PRSS38: variants seen among roughly 807,000 people sequenced by gnomAD.
The protein encoded by PRSS38 is marapsin 2.
Under a neutral mutation model 26.8 loss-of-function variants are expected in PRSS38, and 22 were observed. That is an observed-to-expected ratio of 0.82 (90% CI 0.59 to 1.17). The LOEUF (loss-of-function observed/expected upper bound fraction) is 1.17, where lower values mean the gene tolerates loss of function less well. PRSS38 is among the 50% of genes most tolerant of loss of function. The probability of loss-of-function intolerance (pLI) is 0.00; values close to 1 mark genes in which losing one functional copy is unlikely to be tolerated. For missense variants in PRSS38, 427 were observed against 422.7 expected, an observed-to-expected ratio of 1.01 and a Z score of -0.09; for synonymous variants, 175 against 172.1, an observed-to-expected ratio of 1.02 and a Z score of -0.13.
At chr1:227,823,429 A>C (rs1404684179) in intron 3 of PRSS38, among the ~76,000 whole-genome samples, 2 of 151,546 alleles carry the variant, frequency 1.3e-5, no homozygotes, top group East Asian at 1.9e-4. Context: ...TTTTTTGTTC[A>C]TGCTGTCCCT....
intron 3 of PRSS38, among the ~76,000 whole-genome samples, chr1:227,839,253 A>T (rs941441712): frequency 6.6e-6 from 1 of 152,274 alleles, no homozygotes; most frequent in Middle Eastern, 3.4e-3. Context: ...TGAAGCTGGG[A>T]GTTTGAGACC....
intron 3 of PRSS38, among the ~76,000 whole-genome samples, chr1:227,831,558 C>T (rs1178883012): frequency 6.6e-6 from 1 of 152,048 alleles, no homozygotes; most frequent in African/African-American, 2.4e-5. Context: ...CTTCTATATC[C>T]TTATTGGTTT....
At chr1:227,838,907 G>A (rs11804604) in intron 3 of PRSS38, among the ~76,000 whole-genome samples, 26,036 of 152,000 alleles carry the variant, frequency 0.17, 4,208 homozygotes, top group African/African-American at 0.43. Flanking sequence ...CAGGTCTCGA[G>A]CTCCTGGGCT....
rs1018474450 is a variant in PRSS38, at chr1:227,816,636, C to T, written c.311+384C>T. Among the ~76,000 whole-genome samples, 4 of 151,960 alleles carry T rather than the reference C, an allele frequency of 2.6e-5. No individual in the cohort carries two copies. Among genetic ancestry groups the T allele is most frequent in the Admixed American group, 1.3e-4 (2 of 15,258 alleles). On this transcript the variant is annotated intron_variant, in intron 2 of 4. Transcript: ENST00000366757. The surrounding 1 kb of genome is among the most constrained non-coding windows in gnomAD (Gnocchi z 5.1). The stretch of plus-strand genomic sequence containing the variant: ...CCCTAAGTGCACGACCAGGTCCCCA[C>T]GAGTGAGGCTGGTCCTCAAGGGCAC...
chr1:227,823,458 G>A (rs1665030129), intron 3 of PRSS38, among the ~76,000 whole-genome samples: 1 of 151,950 alleles, frequency 6.6e-6, no homozygotes. Context: ...TCGAAGGTTG[G>A]TTCTATATTG....
Position 227,816,302 on chromosome 1 carries a change from G to A in PRSS38, c.311+50G>A, listed in dbSNP as rs753578822. On this transcript the variant is annotated intron_variant, in intron 2 of 4. Coordinates refer to ENST00000366757, the Ensembl canonical transcript of PRSS38. The surrounding 1 kb of genome is among the most constrained non-coding windows in gnomAD (Gnocchi z 5.1). ...GTGTGGGTAGCTGGGCCTGCACGGA[G>A]TGCCCACAGCGGCTTGGATGGACCC... 2 of 1,573,982 alleles carry A rather than the reference G, an allele frequency of 1.3e-6. No individual in the cohort carries two copies. Among genetic ancestry groups the A allele is most frequent in the Non-Finnish European group, 1.7e-6 (2 of 1,152,496 alleles).
chr1:227,839,484 T>G (rs982778211), intron 3 of PRSS38, among the ~76,000 whole-genome samples: 5 of 148,436 alleles, frequency 3.4e-5, no homozygotes, highest in African/African-American at 1.2e-4. Flanking sequence ...AAAAAAGGTA[T>G]GTAACCAGAG....
At chr1:227,846,422 G>A (rs1665432231) in exon 5 of PRSS38, 2 of 608,336 alleles carry the variant, frequency 3.3e-6, no homozygotes, top group Admixed American at 3.0e-5. Context: ...CCCAGCTTGG[G>A]CAGAGTGCAC....
chr1:227,825,017 G>A (rs892331174), intron 3 of PRSS38, among the ~76,000 whole-genome samples: 1 of 152,036 alleles, frequency 6.6e-6, no homozygotes, highest in African/African-American at 2.4e-5. Flanking sequence ...CATTCTGTAG[G>A]TTGTCTGTTC....
At chr1:227,833,383 C>T (rs559033021) in intron 3 of PRSS38, among the ~76,000 whole-genome samples, 5 of 152,144 alleles carry the variant, frequency 3.3e-5, no homozygotes, top group African/African-American at 9.6e-5. Context: ...CAAAATTAGC[C>T]GGGCGTGGTC....
Position 227,845,583 on chromosome 1 carries a change from G to A in PRSS38, c.697G>A (p.Asp233Asn), listed in dbSNP as rs1302373777. ...CATGCCCGACATGCTGTGTGCTGGG[G>A]ACATCCTGAATGCTAAGACCGTGTG... Residue 233 changes from aspartate to asparagine, a missense_variant, in exon 4 of 5, where the codon GAC becomes AAC. Coordinates refer to ENST00000366757, the Ensembl canonical transcript of PRSS38. 3.7e-6 allele frequency: 6 copies of A among 1,613,716 alleles called. No homozygotes were observed. The Admixed American group carries it at 6.7e-5, about 18-fold the overall frequency.
chr1:227,817,519 G>C (rs375746034), intron 3 of PRSS38, 39 bp downstream of exon 3: 35 of 1,598,566 alleles, frequency 2.2e-5, no homozygotes, highest in Non-Finnish European at 2.6e-5. Context: ...CAGGATGAAG[G>C]CTTCTCTTCC....
At chr1:227,845,834 G>A (rs1287949471) in intron 4 of PRSS38, 120 bp from the exon 5 acceptor site, 2 of 1,401,612 alleles carry the variant, frequency 1.4e-6, no homozygotes, top group African/African-American at 2.8e-5. Context: ...GGGTGAGAGG[G>A]GGGCACTGGC....
chr1:227,846,062 G>T, exon 5 of PRSS38: 2 of 1,614,220 alleles, frequency 1.2e-6, no homozygotes, highest in Non-Finnish European at 1.7e-6. Flanking sequence ...TGGAGTGTAT[G>T]CCAGTGTTTC....
intron 3 of PRSS38, among the ~76,000 whole-genome samples, chr1:227,832,175 A>G (rs1224401794): frequency 1.3e-5 from 2 of 152,168 alleles, no homozygotes; most frequent in East Asian, 3.8e-4. Context: ...CTTTCAATCT[A>G]TATATGCCTC....
intron 3 of PRSS38, among the ~76,000 whole-genome samples, chr1:227,826,977 C>T (rs1042793629): frequency 2.0e-5 from 3 of 152,146 alleles, no homozygotes; most frequent in Non-Finnish European, 2.9e-5. Context: ...TGATGGATTA[C>T]GTTTATTGAC....
chr1:227,842,241 A>G (rs1665348552), intron 3 of PRSS38, among the ~76,000 whole-genome samples: 2 of 152,164 alleles, frequency 1.3e-5, no homozygotes, highest in African/African-American at 2.4e-5. Flanking sequence ...TGTGATCTAT[A>G]GGCCCAAGTC....
rs372484950 is a variant in PRSS38 at position 227,823,449 on chromosome 1, C to T, written c.583+5969C>T. On this transcript the variant is annotated intron_variant, in intron 3 of 4. Coordinates refer to ENST00000366757, the Ensembl canonical transcript of PRSS38. ...TGTTCATGCTGTCCCTGGGTGGGCT[C>T]GAAGGTTGGTTCTATATTGACATAG... Among the ~76,000 whole-genome samples, 24 of 151,856 alleles carry T rather than the reference C, an allele frequency of 1.6e-4. No homozygotes were observed. The East Asian group carries it at 3.5e-3, about 22-fold the overall frequency.
At chr1:227,838,675 C>T (rs538463309) in intron 3 of PRSS38, among the ~76,000 whole-genome samples, 4 of 152,198 alleles carry the variant, frequency 2.6e-5, no homozygotes, top group African/African-American at 4.8e-5. Context: ...TCTTAAGCTA[C>T]AGGACTTACA....
Sources: gnomAD v4.1 joint callset for allele counts (sites outside exome capture counted in the v4.1 genomes callset) on GRCh38, gnomAD v4.1.1 for gene constraint, Gnocchi (gnomAD v3.1) non-coding constraint, MANE v1.5 for transcripts, NCBI Gene and HGNC (gene_info 2026-07-23, HGNC 2026-07-21) for gene names.